Variants in FHIT observed in about 807,000 individuals in gnomAD.
FHIT encodes bis(5'-adenosyl)-triphosphatase.
In FHIT, 19 loss-of-function variants were observed where a neutral mutation model predicts 17.9. That is an observed-to-expected ratio of 1.06 (90% CI 0.74 to 1.56). FHIT has a LOEUF of 1.56. Ranked by LOEUF, FHIT falls within the 40% of genes most tolerant of loss-of-function variation. The probability of loss-of-function intolerance (pLI) is 0.00; values close to 1 mark genes in which losing one functional copy is unlikely to be tolerated. For missense variants in FHIT, 248 were observed against 189.2 expected (o/e 1.31, Z -1.82); for synonymous variants, 81 against 69.7 (o/e 1.16, Z -0.81).
chr3:60,197,915 G>A (rs1702719046), intron 5 of FHIT, among the ~76,000 whole-genome samples: 1 of 152,116 alleles, frequency 6.6e-6, no homozygotes, highest in African/African-American at 2.4e-5. Flanking sequence ...AGACCACATT[G>A]TTGGAGGAAG....
chr3:60,232,270 T>C (rs1704535881), intron 5 of FHIT, among the ~76,000 whole-genome samples: 2 of 152,234 alleles, frequency 1.3e-5, no homozygotes, highest in South Asian at 4.1e-4. Flanking sequence ...ACAGCCAGAC[T>C]TTTCAGATTT....
intron 8 of FHIT, among the ~76,000 whole-genome samples, chr3:59,868,742 G>A (rs1276261901): frequency 6.6e-6 from 1 of 152,208 alleles, no homozygotes; most frequent in Non-Finnish European, 1.5e-5. Flanking sequence ...CTGTTCATCA[G>A]GGGGTGGTGG....
intron 5 of FHIT, among the ~76,000 whole-genome samples, chr3:60,237,821 T>C (rs976098695): frequency 1.3e-5 from 2 of 152,098 alleles, no homozygotes; most frequent in African/African-American, 4.8e-5. Flanking sequence ...GAGAAGCAGC[T>C]GGTTAGAGGC....
At chr3:59,960,743 A>G (rs11707816) in intron 7 of FHIT, among the ~76,000 whole-genome samples, 15,802 of 152,178 alleles carry the variant, frequency 0.1, 904 homozygotes, top group Middle Eastern at 0.18. Context: ...CTTGCGTTTC[A>G]ATAAAAGCTT....
At position 60,321,916 on chromosome 3, in the gene FHIT, A is replaced by C. The variant is rs576044179; in HGVS notation, c.103+214944T>G. Among the ~76,000 whole-genome samples, 56 of 152,330 alleles carry C rather than the reference A, an allele frequency of 3.7e-4. 1 individual carries two copies. The South Asian group carries it at 9.5e-3, about 26-fold the overall frequency. ...GGGTGCTAATCCCATTCATGAGGGC[A>C]GAGCCCTCGTGACTTAATCACTTCC... On this transcript the variant is annotated intron_variant, in intron 5 of 9. Coordinates refer to ENST00000492590, the MANE Select transcript of FHIT (RefSeq NM_002012.4).
chr3:60,167,246 T>C (rs570102443), intron 5 of FHIT, among the ~76,000 whole-genome samples: 2 of 152,338 alleles, frequency 1.3e-5, no homozygotes, highest in South Asian at 4.1e-4. Flanking sequence ...ACTTTAAGCC[T>C]CATAGATATC....
intron 8 of FHIT, among the ~76,000 whole-genome samples, chr3:59,802,245 A>C (rs1700024383): frequency 6.6e-6 from 1 of 152,060 alleles, no homozygotes; most frequent in Non-Finnish European, 1.5e-5. Context: ...ACTGTAGCCA[A>C]AGCGTCTGCC....
At chr3:61,139,975 C>T (rs1000667821) in intron 2 of FHIT, among the ~76,000 whole-genome samples, 2 of 148,246 alleles carry the variant, frequency 1.3e-5, no homozygotes, top group Admixed American at 6.8e-5. Flanking sequence ...AACTCATCAT[C>T]ATCTATGAGG....
chr3:60,976,090 C>CTTTTTTTT (rs1710224532), intron 3 of FHIT, among the ~76,000 whole-genome samples: 1 of 58,084 alleles, frequency 1.7e-5, no homozygotes, highest in African/African-American at 7.0e-5. Flanking sequence ...TTTCGTTTTT[C>CTTTTTTTT]TTTTTCTTTT....
chr3:59,919,707 C>T (rs1705310258), intron 8 of FHIT, among the ~76,000 whole-genome samples: 1 of 152,208 alleles, frequency 6.6e-6, no homozygotes, highest in African/African-American at 2.4e-5. Flanking sequence ...GGAGCTCAGT[C>T]TCCTGCTGTT....
At chr3:60,603,780 T>G (rs2038519876) in intron 4 of FHIT, among the ~76,000 whole-genome samples, 1 of 152,126 alleles carries the variant, frequency 6.6e-6, no homozygotes, top group Admixed American at 6.6e-5. Flanking sequence ...TACGTAAGAA[T>G]GAGTAGAATG....
At chr3:60,799,819 G>A (rs1701124553) in intron 4 of FHIT, among the ~76,000 whole-genome samples, 1 of 152,122 alleles carries the variant, frequency 6.6e-6, no homozygotes, top group African/African-American at 2.4e-5. Flanking sequence ...GCCATAGGAA[G>A]AAAACCTGTA....
intron 4 of FHIT, among the ~76,000 whole-genome samples, chr3:60,642,232 G>A (rs1553685489): frequency 6.6e-6 from 1 of 152,166 alleles, no homozygotes. Context: ...GGCAGACAAG[G>A]TCGCCTAATA....
intron 8 of FHIT, among the ~76,000 whole-genome samples, chr3:59,865,591 G>A (rs531222171): frequency 1.3e-5 from 2 of 152,332 alleles, no homozygotes; most frequent in Non-Finnish European, 2.9e-5. Context: ...AGCCTCTGCA[G>A]GACATAAAAG....
At chr3:59,966,721 G>A (rs1157539583) in intron 7 of FHIT, among the ~76,000 whole-genome samples, 1 of 152,114 alleles carries the variant, frequency 6.6e-6, no homozygotes, top group African/African-American at 2.4e-5. Context: ...ACCATGAATG[G>A]AGCTTGTTGG....
intron 5 of FHIT, among the ~76,000 whole-genome samples, chr3:60,517,041 TTAATG>T (rs2035185937): frequency 6.6e-6 from 1 of 152,218 alleles, no homozygotes; most frequent in South Asian, 2.1e-4. Context: ...GGGAAATTCT[TTAATG>T]TAATTTCTGT....
At chr3:61,137,262 C>CTTTTT (rs67142172) in intron 2 of FHIT, among the ~76,000 whole-genome samples, 4 of 105,510 alleles carry the variant, frequency 3.8e-5, no homozygotes, top group Non-Finnish European at 7.4e-5. Context: ...AGGTTTCACT[C>CTTTTT]TTTTTTTTTT....
chr3:60,465,834 G>C (rs2032758363), intron 5 of FHIT, among the ~76,000 whole-genome samples: 2 of 151,954 alleles, frequency 1.3e-5, no homozygotes, highest in Admixed American at 1.3e-4. Context: ...GATTCCTCCA[G>C]TACTTTTTGC....
chr3:60,443,051 C>T (rs1458566875), intron 5 of FHIT, among the ~76,000 whole-genome samples: 1 of 152,124 alleles, frequency 6.6e-6, no homozygotes. Context: ...AATGGGAGTT[C>T]ACTCATGATT....
Sources: allele counts gnomAD v4.1 joint callset (sites outside exome capture counted in the v4.1 genomes callset), GRCh38; gene constraint gnomAD v4.1.1; transcripts MANE v1.5; gene names NCBI Gene and HGNC (gene_info 2026-07-23, HGNC 2026-07-21).